Variants in DSC1 observed in about 807,000 individuals in gnomAD.
DSC1 encodes the protein desmocollin 1.
In DSC1, 79 loss-of-function variants were observed where a neutral mutation model predicts 98.8. The observed-to-expected ratio is 0.80, with a 90% confidence interval of 0.67 to 0.96. DSC1 has a LOEUF of 0.96. DSC1 is among the 50% of genes least tolerant of loss of function. DSC1 has a pLI of 0.00. For synonymous variants in DSC1, 405 were observed against 372.1 expected, an observed-to-expected ratio of 1.09 and a Z score of -1.02; for missense variants, 1,115 against 1,075.9, an observed-to-expected ratio of 1.04 and a Z score of -0.51.
In DSC1 at chr18:31,155,591, C is replaced by G. The variant is rs1989081127; in HGVS notation, c.471+452G>C. Reference sequence around the variant, plus strand: ...GTTGCGGTGAGCTGAGCTGATGCCACTATACTCCAAAATTTCAAAACTGTT... The same window carrying G: ...GTTGCGGTGAGCTGAGCTGATGCCAGTATACTCCAAAATTTCAAAACTGTT... On this transcript the variant is annotated intron_variant, in intron 4 of 15. Coordinates refer to ENST00000257198, the MANE Select transcript of DSC1 (RefSeq NM_024421.2). Among the ~76,000 whole-genome samples, 3 of 152,290 alleles carry G rather than the reference C, an allele frequency of 2.0e-5. No individual in the cohort carries two copies. In the South Asian group the frequency reaches 6.2e-4, roughly 32 times the overall value.
intron 8 of DSC1, 94 bp downstream of exon 8, chr18:31,143,563 T>C (rs990024623): frequency 1.0e-6 from 1 of 998,530 alleles, no homozygotes. Flanking sequence ...AATCAAACTG[T>C]CAAACTTTGT....
At position 31,157,538 on chromosome 18, in the gene DSC1, T is replaced by TCAAG; in HGVS notation, c.183_184insCTTG (p.Ile62LeufsTer6). Reference sequence around the variant, plus strand: ...CTGAAGGCAGGGTCACTGGACCGGATTAGGCTGGCCGACTTGAGACACTCC... The same window carrying TCAAG: ...CTGAAGGCAGGGTCACTGGACCGGATCAAGTAGGCTGGCCGACTTGAGACACTCC... On this transcript the variant is annotated frameshift_variant, in exon 3 of 16. Coordinates refer to ENST00000257198, the MANE Select transcript of DSC1 (RefSeq NM_024421.2). LOFTEE classifies it high-confidence loss of function. The TCAAG allele has an allele frequency of 6.2e-7, 1 of 1,614,208 alleles. No individual in the cohort carries two copies. The highest frequency in any genetic ancestry group is 8.5e-7 in the Non-Finnish European group (1 of 1,180,024).
At chr18:31,161,448 C>T (rs1989207832) in intron 1 of DSC1, among the ~76,000 whole-genome samples, 1 of 152,092 alleles carries the variant, frequency 6.6e-6, no homozygotes, top group Non-Finnish European at 1.5e-5. Flanking sequence ...TTCTTTCCTT[C>T]TTGTCCTAGG....
chr18:31,160,449 C>T (rs904725713), intron 1 of DSC1, among the ~76,000 whole-genome samples: 4 of 152,040 alleles, frequency 2.6e-5, no homozygotes, highest in Non-Finnish European at 4.4e-5. Context: ...CCATTACTTG[C>T]GAGGAGGAAA....
chr18:31,146,457 G>A (rs1038146413), intron 6 of DSC1, among the ~76,000 whole-genome samples: 2 of 152,084 alleles, frequency 1.3e-5, no homozygotes. Flanking sequence ...TATGGCATTT[G>A]TGTACTACAT....
chr18:31,148,091 GAAC>G (rs1394384369), intron 6 of DSC1, among the ~76,000 whole-genome samples: 2 of 152,146 alleles, frequency 1.3e-5, no homozygotes, highest in East Asian at 1.9e-4. Context: ...CTTTTATACT[GAAC>G]AACAACTTTT....
At chr18:31,131,515 G>T in intron 15 of DSC1, 79 bp downstream of exon 15, 1 of 1,565,104 alleles carries the variant, frequency 6.4e-7, no homozygotes, top group South Asian at 1.2e-5. Context: ...TATATGAGGA[G>T]TAAAACTTTT....
rs376568590 is a variant in DSC1, at chr18:31,136,973, G to T, written c.1664-2189C>A. On this transcript the variant is annotated intron_variant, in intron 11 of 15. Coordinates refer to ENST00000257198, the MANE Select transcript of DSC1 (RefSeq NM_024421.2). ...AATTTACTTTAAATTAAGCACATAA[G>T]CAAACATCAAGTATAAATGAGTAAG... 2.2e-4 allele frequency among the ~76,000 whole-genome samples: 33 copies of T among 152,176 alleles called. No individual in the cohort carries two copies. The South Asian group carries it at 3.5e-3, about 16-fold the overall frequency.
rs1294945106 is a variant in DSC1 at position 31,160,552 on chromosome 18, T to C, written c.64-1023A>G. 3.9e-5 allele frequency among the ~76,000 whole-genome samples: 6 copies of C among 152,088 alleles called. No individual in the cohort carries two copies. In the East Asian group the frequency reaches 5.8e-4, roughly 15 times the overall value. Reference sequence around the variant, plus strand: ...ATACTGTAGCAGTCTAATTAAATAGTTTGTAATTTTACAAAAATCTATGTT... The same window carrying C: ...ATACTGTAGCAGTCTAATTAAATAGCTTGTAATTTTACAAAAATCTATGTT... On this transcript the variant is annotated intron_variant, in intron 1 of 15. Coordinates refer to ENST00000257198, the MANE Select transcript of DSC1 (RefSeq NM_024421.2).
Position 31,159,047 on chromosome 18 carries a change from G to GTTTTTTGTTTTT in DSC1, c.148+397_148+398insAAAAACAAAAAA, listed in dbSNP as rs1555646388. On this transcript the variant is annotated intron_variant, in intron 2 of 15. Coordinates refer to ENST00000257198, the MANE Select transcript of DSC1 (RefSeq NM_024421.2). ...TTTAACTTCAAGTAGCTACTATGTG[G>GTTTTTTGTTTTT]TTTTTTTTTTTTTTTTTGAGACAGA... Among the ~76,000 whole-genome samples the GTTTTTTGTTTTT allele has an allele frequency of 6.9e-4, 49 of 71,098 alleles. 1 individual carries two copies. The highest frequency in any genetic ancestry group is 2.9e-3 in the African/African-American group (49 of 17,176). The allele number at this position is 71,098 out of a possible 152,430, so 46.6% of individuals were successfully genotyped here.
chr18:31,140,154 C>T lies in DSC1; in HGVS notation c.1408G>A (p.Glu470Lys). 1.2e-6 allele frequency: 2 copies of T among 1,613,982 alleles called. No individual in the cohort carries two copies. The highest frequency in any genetic ancestry group is 1.7e-6 in the Non-Finnish European group (2 of 1,179,942). ...VKIIDSDEGP[E>K]CHPPVKVIQS... Reference sequence around the variant, plus strand: ...ATAACTTTCACTGGAGGGTGGCATTCAGGGCCCTCATCACTGTCTATAATT... The same window carrying T: ...ATAACTTTCACTGGAGGGTGGCATTTAGGGCCCTCATCACTGTCTATAATT... Residue 470 changes from glutamate to lysine, a missense_variant, in exon 10 of 16, where the codon GAA (glutamate) becomes AAA (lysine). By Grantham distance (56) the Glu-to-Lys change is moderately conservative. Transcript: ENST00000257198.
rs569130113 is a variant in DSC1, at chr18:31,145,158, G to A, written c.939+453C>T. Among the ~76,000 whole-genome samples, 18 of 151,968 alleles carry A rather than the reference G, an allele frequency of 1.2e-4. No homozygotes were observed. The South Asian group carries it at 3.5e-3, about 30-fold the overall frequency. ...GGCGTTTCATGGTGTTAGCCAGGATGGTCTCCATCTCCTAACCTCATGATC... is the reference window on the plus strand; with the variant it reads ...GGCGTTTCATGGTGTTAGCCAGGATAGTCTCCATCTCCTAACCTCATGATC... On this transcript the variant is annotated intron_variant, in intron 7 of 15. Coordinates refer to ENST00000257198, the MANE Select transcript of DSC1 (RefSeq NM_024421.2).
At chr18:31,130,895 CAAAT>C (rs1275561763) in intron 15 of DSC1, 184 bp from the exon 16 acceptor site, 9 of 1,482,680 alleles carry the variant, frequency 6.1e-6, no homozygotes, top group Non-Finnish European at 8.2e-6. Flanking sequence ...TAAAATATAG[CAAAT>C]AAATAAATGC....
intron 1 of DSC1, 27 bp from the exon 2 acceptor site, chr18:31,159,556 C>T: frequency 1.3e-6 from 2 of 1,503,040 alleles, no homozygotes; most frequent in Non-Finnish European, 9.0e-7. Flanking sequence ...GAAAAAATAT[C>T]AGGAATTAAA....
At position 31,132,585 on chromosome 18, in the gene DSC1, G is replaced by T. The variant is rs144188103; in HGVS notation, c.2221C>A (p.Pro741Thr). Residue 741 changes from proline (P) to threonine (T), a missense_variant, in exon 14 of 16, where the codon CCT becomes ACT. Physicochemically the swap from Pro to Thr is conservative, Grantham distance 38. Coordinates refer to ENST00000257198, the MANE Select transcript of DSC1 (RefSeq NM_024421.2). ...TGATTTACCGTTACTTCTTCTCCAG[G>T]TCCTTCAGTATTTGATACAATTAAA... is the stretch of plus-strand genomic sequence containing the variant. The part of the protein sequence containing the change: ...QNLIVSNTEG[P>T]GEEVTEANIR... 18 of 1,613,256 alleles carry T rather than the reference G, an allele frequency of 1.1e-5. No homozygotes were observed. The African/African-American group carries it at 2.3e-4, about 20-fold the overall frequency.
Position 31,159,545 on chromosome 18 carries a change from AG to A in DSC1, c.64-17del. 6.3e-7 allele frequency: 1 copy of A among 1,578,328 alleles called. No individual in the cohort carries two copies. Among genetic ancestry groups the A allele is most frequent in the African/African-American group, 1.4e-5 (1 of 72,708 alleles). Reference sequence around the variant, plus strand: ...ATGTTAAAACCTCAAAAAAAAAAAAAGAAAAAATATCAGGAATTAAATTTGA... The same window carrying A: ...ATGTTAAAACCTCAAAAAAAAAAAAAAAAAAATATCAGGAATTAAATTTGA... On this transcript the variant is annotated splice_polypyrimidine_tract_variant and intron_variant, in intron 1 of 15. Coordinates refer to ENST00000257198, the MANE Select transcript of DSC1 (RefSeq NM_024421.2).
At chr18:31,130,879 CA>C in intron 15 of DSC1, 168 bp from the exon 16 acceptor site, 1 of 1,551,012 alleles carries the variant, frequency 6.4e-7, no homozygotes, top group Non-Finnish European at 8.7e-7. Context: ...GTATTATAGT[CA>C]CTCTTAAAAT....
intron 11 of DSC1, among the ~76,000 whole-genome samples, chr18:31,138,405 T>C (rs1988656817): frequency 6.6e-6 from 1 of 152,154 alleles, no homozygotes; most frequent in Admixed American, 6.5e-5. Context: ...ATAGAATCTC[T>C]TGTGAAACTA....
intron 7 of DSC1, among the ~76,000 whole-genome samples, chr18:31,145,026 G>A (rs1388633145): frequency 7.0e-6 from 1 of 142,322 alleles, no homozygotes; most frequent in Non-Finnish European, 1.5e-5. Flanking sequence ...TGCAAGCTCC[G>A]CCTCCCGGGT....
Sources: allele counts gnomAD v4.1 joint callset (sites outside exome capture counted in the v4.1 genomes callset), GRCh38; gene constraint gnomAD v4.1.1; transcripts MANE v1.5; gene names NCBI Gene and HGNC (gene_info 2026-07-23, HGNC 2026-07-21).